CNTN6: variants seen among roughly 807,000 people sequenced by gnomAD.
CNTN6 encodes the protein contactin 6.
Under a neutral mutation model 122.8 loss-of-function variants are expected in CNTN6, and 137 were observed. The ratio of observed to expected loss-of-function variants is 1.12; its 90% CI spans 0.97 to 1.29. The LOEUF (loss-of-function observed/expected upper bound fraction) is 1.29, where lower values mean the gene tolerates loss of function less well. Among genes scored for constraint, CNTN6 ranks in the 50% most tolerant of loss-of-function variants. CNTN6 has a pLI of 0.00. For missense variants in CNTN6, 1,634 were observed against 1,223.4 expected (o/e 1.34, Z -5.01); for synonymous variants, 570 against 426.0 (o/e 1.34, Z -4.16).
At chr3:1,363,402 A>C (rs1244456751) in intron 12 of CNTN6, among the ~76,000 whole-genome samples, 1 of 151,944 alleles carries the variant, frequency 6.6e-6, no homozygotes, top group East Asian at 1.9e-4. Flanking sequence ...TGTACCTTTG[A>C]CCAGAATCTT....
intron 4 of CNTN6, among the ~76,000 whole-genome samples, chr3:1,242,546 G>A (rs996211215): frequency 1.4e-4 from 21 of 152,202 alleles, no homozygotes; most frequent in Non-Finnish European, 2.4e-4. Context: ...CTGTGGGATG[G>A]GATATGGGCG....
chr3:1,338,020 C>G (rs1329147827), intron 11 of CNTN6, among the ~76,000 whole-genome samples: 1 of 152,066 alleles, frequency 6.6e-6, no homozygotes, highest in African/African-American at 2.4e-5. Flanking sequence ...AGTTATAAAG[C>G]CTGCCTTTAA....
chr3:1,365,035 G>A (rs1409219437), intron 12 of CNTN6, among the ~76,000 whole-genome samples: 1 of 151,910 alleles, frequency 6.6e-6, no homozygotes, highest in East Asian at 1.9e-4. Context: ...AATGAGAAAT[G>A]TTCCTCCCTA....
intron 5 of CNTN6, among the ~76,000 whole-genome samples, chr3:1,292,305 CTT>C (rs781262655): frequency 6.6e-6 from 1 of 152,078 alleles, no homozygotes; most frequent in Non-Finnish European, 1.5e-5. Context: ...CTTCCAGAAT[CTT>C]TTTTTCCAGA....
chr3:1,288,101 G>T (rs139844862), intron 5 of CNTN6, among the ~76,000 whole-genome samples: 1 of 152,072 alleles, frequency 6.6e-6, no homozygotes, highest in South Asian at 2.1e-4. Context: ...CTGTGTTTTC[G>T]TTCCTTCTCC....
At chr3:1,291,020 G>T (rs917599055) in intron 5 of CNTN6, among the ~76,000 whole-genome samples, 1 of 152,102 alleles carries the variant, frequency 6.6e-6, no homozygotes. Context: ...TACACAGCCC[G>T]TATTCAAGAT....
chr3:1,108,505 T>G (rs560223540), intron 1 of CNTN6, among the ~76,000 whole-genome samples: 3 of 151,732 alleles, frequency 2.0e-5, no homozygotes, highest in African/African-American at 7.3e-5. Context: ...CTGTTGGTGC[T>G]CAAAAAATTG....
At chr3:1,369,955 C>A (rs985466276) in intron 12 of CNTN6, among the ~76,000 whole-genome samples, 1 of 151,596 alleles carries the variant, frequency 6.6e-6, no homozygotes, top group Non-Finnish European at 1.5e-5. Flanking sequence ...AATTAAATTA[C>A]AAAACAATAC....
Position 1,102,604 on chromosome 3 carries a change from T to C in CNTN6, c.-83+9484T>C, listed in dbSNP as rs2090973960. 2.0e-5 allele frequency among the ~76,000 whole-genome samples: 3 copies of C among 147,898 alleles called. 1 individual carries two copies. In the South Asian group the frequency reaches 6.4e-4, roughly 32 times the overall value. On this transcript the variant is annotated intron_variant, in intron 1 of 22. Coordinates refer to ENST00000446702, the MANE Select transcript of CNTN6 (RefSeq NM_001289080.2). ...ATGAGCCGGGCGTGGTGGCGGCGCC[T>C]GTAGTCCCAGCTACTCGGGAGGCTG...
intron 11 of CNTN6, among the ~76,000 whole-genome samples, chr3:1,352,030 C>T (rs768189621): frequency 3.3e-5 from 5 of 151,870 alleles, no homozygotes; most frequent in Admixed American, 6.6e-5. Flanking sequence ...AGCAACTTGA[C>T]ATTATACTAC....
rs1341791882 is a variant in CNTN6 at position 1,388,548 on chromosome 3, AC to A, written c.2704+2752del. Among the ~76,000 whole-genome samples the A allele has an allele frequency of 4.6e-3, 696 of 151,278 alleles. 8 individuals carry two copies. The highest frequency in any genetic ancestry group is 0.016 in the African/African-American group (665 of 40,902). On this transcript the variant is annotated intron_variant, in intron 20 of 22. Coordinates refer to ENST00000446702, the MANE Select transcript of CNTN6 (RefSeq NM_001289080.2). Reference sequence around the variant, plus strand: ...AACGCAGTTCCTCACCAGCAACGGAACAAAGCTGGACGGAGAATGACTTTGA... The same window carrying A: ...AACGCAGTTCCTCACCAGCAACGGAAAAAGCTGGACGGAGAATGACTTTGA...
intron 4 of CNTN6, among the ~76,000 whole-genome samples, chr3:1,242,333 G>C (rs2094496726): frequency 6.6e-6 from 1 of 151,982 alleles, no homozygotes; most frequent in African/African-American, 2.4e-5. Flanking sequence ...AATGGATTGA[G>C]GACAAAAGAG....
intron 4 of CNTN6, among the ~76,000 whole-genome samples, chr3:1,240,941 G>C (rs1326188733): frequency 1.3e-5 from 2 of 151,922 alleles, no homozygotes; most frequent in African/African-American, 4.8e-5. Context: ...GTCAAAGGGG[G>C]TTGTTCTCTG....
intron 20 of CNTN6, among the ~76,000 whole-genome samples, chr3:1,397,329 T>C (rs1336121231): frequency 1.3e-5 from 2 of 152,200 alleles, no homozygotes; most frequent in East Asian, 3.9e-4. Context: ...ATAGGCTATG[T>C]ATTTTGATAC....
At chr3:1,196,452 G>T (rs567199107) in intron 2 of CNTN6, among the ~76,000 whole-genome samples, 1 of 152,172 alleles carries the variant, frequency 6.6e-6, no homozygotes, top group Non-Finnish European at 1.5e-5. Context: ...AAGAAGAAGA[G>T]ATTTTTTTGT....
intron 3 of CNTN6, among the ~76,000 whole-genome samples, chr3:1,227,367 G>A (rs1019769913): frequency 3.9e-5 from 6 of 152,162 alleles, no homozygotes; most frequent in African/African-American, 1.4e-4. Flanking sequence ...TATCAGCCCT[G>A]AATTGGCGTT....
intron 4 of CNTN6, among the ~76,000 whole-genome samples, chr3:1,268,155 T>G (rs1028374365): frequency 6.6e-6 from 1 of 152,184 alleles, no homozygotes; most frequent in South Asian, 2.1e-4. Flanking sequence ...AGCCCAAGAC[T>G]ATGAGAAGCA....
intron 1 of CNTN6, among the ~76,000 whole-genome samples, chr3:1,141,383 G>A (rs563526239): frequency 1.3e-5 from 2 of 152,266 alleles, no homozygotes; most frequent in East Asian, 3.9e-4. Context: ...GGAGAACGAA[G>A]CCCGTGAGGA....
chr3:1,122,979 G>C (rs939472093), intron 1 of CNTN6, among the ~76,000 whole-genome samples: 1 of 151,732 alleles, frequency 6.6e-6, no homozygotes, highest in African/African-American at 2.4e-5. Flanking sequence ...AGGGTTACAA[G>C]GTGGTTCTAT....
Sources: gnomAD v4.1 joint callset for allele counts (sites outside exome capture counted in the v4.1 genomes callset) on GRCh38, gnomAD v4.1.1 for gene constraint, MANE v1.5 for transcripts, NCBI Gene and HGNC (gene_info 2026-07-23, HGNC 2026-07-21) for gene names.